The following SYNPR variants were observed in gnomAD, a reference collection of about 807,000 sequenced individuals.
The protein encoded by SYNPR is synaptoporin.
Under a neutral mutation model 32.9 loss-of-function variants are expected in SYNPR, and 23 were observed. The ratio of observed to expected loss-of-function variants is 0.70; its 90% CI spans 0.50 to 0.99. The LOEUF (loss-of-function observed/expected upper bound fraction) is 0.99. Ranked by LOEUF, SYNPR falls within the 50% of genes least tolerant of loss-of-function variation. The pLI, the probability that SYNPR is intolerant of heterozygous loss-of-function variation, is 0.00. For missense variants in SYNPR, 318 were observed against 349.3 expected (o/e 0.91, Z 0.71); for synonymous variants, 146 against 135.9 (o/e 1.07, Z -0.52).
chr3:63,577,243 A>C (rs1703001164), intron 4 of SYNPR, among the ~76,000 whole-genome samples: 1 of 152,206 alleles, frequency 6.6e-6, no homozygotes, highest in Non-Finnish European at 1.5e-5. Flanking sequence ...CAGATCTTAG[A>C]AACTGAAATC....
At chr3:63,529,125 C>A (rs17398359) in intron 3 of SYNPR, among the ~76,000 whole-genome samples, 19,170 of 152,164 alleles carry the variant, frequency 0.13, 1,326 homozygotes, top group Middle Eastern at 0.23. Flanking sequence ...TTTATACACA[C>A]ACATAGAAGG....
At chr3:63,545,406 C>T (rs971821701) in intron 3 of SYNPR, 2 of 152,042 alleles carry the variant, frequency 1.3e-5, no homozygotes, top group African/African-American at 4.8e-5. Context: ...TTCAAAATGT[C>T]CACTAGCGTG....
chr3:63,500,567 T>A (rs375678116), intron 3 of SYNPR, among the ~76,000 whole-genome samples: 1 of 152,188 alleles, frequency 6.6e-6, no homozygotes, highest in Non-Finnish European at 1.5e-5. Context: ...TTATTATGGA[T>A]GTAGATGTGG....
the SYNPR span, among the ~76,000 whole-genome samples, chr3:63,221,741 T>A: frequency 2.0e-5 from 3 of 152,148 alleles, no homozygotes; most frequent in Non-Finnish European, 4.4e-5. Context: ...AACACCAGGT[T>A]TGAATCCTGG....
At chr3:63,281,815 T>A (rs1575585026) in intron 2 of SYNPR, among the ~76,000 whole-genome samples, 1 of 152,188 alleles carries the variant, frequency 6.6e-6, no homozygotes, top group Non-Finnish European at 1.5e-5. Flanking sequence ...GAACTGGAAA[T>A]AACTAGTAAG....
At chr3:63,469,476 T>C (rs560584298) in intron 2 of SYNPR, among the ~76,000 whole-genome samples, 1 of 152,244 alleles carries the variant, frequency 6.6e-6, no homozygotes, top group South Asian at 2.1e-4. Context: ...GAAGTCCATA[T>C]CACAAATTTA....
At chr3:63,544,925 T>C (rs781516706) in intron 3 of SYNPR, among the ~76,000 whole-genome samples, 1 of 151,808 alleles carries the variant, frequency 6.6e-6, no homozygotes, top group Non-Finnish European at 1.5e-5. Flanking sequence ...ATTTCTTCCA[T>C]TTTGCAGATG....
chr3:63,490,841 C>A (rs1575672240), intron 3 of SYNPR, among the ~76,000 whole-genome samples: 1 of 152,124 alleles, frequency 6.6e-6, no homozygotes, highest in Non-Finnish European at 1.5e-5. Context: ...CAGCTCACTG[C>A]AACCTCTGCC....
chr3:63,500,615 T>A (rs949907772), intron 3 of SYNPR, among the ~76,000 whole-genome samples: 16 of 152,154 alleles, frequency 1.1e-4, no homozygotes, highest in Admixed American at 4.6e-4. Flanking sequence ...AAAATGAGTG[T>A]CCCTTGGGAA....
At chr3:63,564,816 C>T (rs527381793) in intron 4 of SYNPR, among the ~76,000 whole-genome samples, 7 of 152,238 alleles carry the variant, frequency 4.6e-5, no homozygotes, top group African/African-American at 1.7e-4. Flanking sequence ...CCACATTTCT[C>T]GAATTAGCTA....
At chr3:63,440,786 G>A (rs938735923) in intron 2 of SYNPR, among the ~76,000 whole-genome samples, 7 of 152,052 alleles carry the variant, frequency 4.6e-5, no homozygotes, top group East Asian at 3.9e-4. Flanking sequence ...AGAGCAAACC[G>A]CTAGCAAACC....
chr3:63,447,353 G>A (rs1239275023), intron 2 of SYNPR, among the ~76,000 whole-genome samples: 1 of 152,144 alleles, frequency 6.6e-6, no homozygotes, highest in Non-Finnish European at 1.5e-5. Context: ...ACTCCATCTT[G>A]CCTATGTTTC....
chr3:63,452,889 G>T (rs147450764), intron 2 of SYNPR, among the ~76,000 whole-genome samples: 4 of 152,112 alleles, frequency 2.6e-5, no homozygotes, highest in African/African-American at 9.7e-5. Context: ...ATCTTTTTAT[G>T]TGTATCTCAA....
chr3:63,316,275 TTCTC>T (rs1276081467), intron 2 of SYNPR, among the ~76,000 whole-genome samples: 2 of 151,992 alleles, frequency 1.3e-5, no homozygotes, highest in Non-Finnish European at 2.9e-5. Flanking sequence ...GGTTCCTTCT[TTCTC>T]TATCTTGTGG....
chr3:63,312,932 A>G (rs12489378), intron 2 of SYNPR, among the ~76,000 whole-genome samples: 113,712 of 151,848 alleles, frequency 0.75, 43,691 homozygotes, highest in Non-Finnish European at 0.83. Flanking sequence ...CTCCCTTTAC[A>G]ACTGCTTCTG....
At chr3:63,390,542 G>C (rs186443923) in intron 2 of SYNPR, among the ~76,000 whole-genome samples, 129 of 152,314 alleles carry the variant, frequency 8.5e-4, no homozygotes, top group African/African-American at 2.9e-3. Context: ...ATAGTACCAT[G>C]TGAGACGAAA....
Position 63,241,621 on chromosome 3 carries a change from C to T in SYNPR, n.67-10878C>T, listed in dbSNP as rs1221113918. Among the ~76,000 whole-genome samples the T allele has an allele frequency of 2.6e-5, 4 of 151,892 alleles. No individual in the cohort carries two copies. In the South Asian group the frequency reaches 8.3e-4, roughly 31 times the overall value. On this transcript the variant is annotated intron_variant and non_coding_transcript_variant, in intron 1 of 4. Transcript: ENST00000478456. Reference sequence around the variant, plus strand: ...CCTTCCTTTCCTATATCTTGATATACATTAAAGTTGTTACGCCTGGAACTG... The same window carrying T: ...CCTTCCTTTCCTATATCTTGATATATATTAAAGTTGTTACGCCTGGAACTG...
intron 3 of SYNPR, among the ~76,000 whole-genome samples, chr3:63,537,824 G>T (rs1464787600): frequency 6.6e-6 from 1 of 151,984 alleles, no homozygotes; most frequent in Non-Finnish European, 1.5e-5. Context: ...AGCGACCCAG[G>T]GTAAGCTGAG....
rs568808571 is a variant in SYNPR, at chr3:63,436,452, G to C, written c.85-44380G>C. The stretch of plus-strand genomic sequence containing the variant: ...GTGGTGTTTGGTTTTTTGTCCTTGC[G>C]ATAGTTTGCTAAGAATGATGGTTTT... On this transcript the variant is annotated intron_variant, in intron 2 of 5. Transcript: ENST00000478300. 5.3e-5 allele frequency among the ~76,000 whole-genome samples: 8 copies of C among 150,724 alleles called. No individual in the cohort carries two copies. In the East Asian group the frequency reaches 1.4e-3, roughly 26 times the overall value.
Sources: gnomAD v4.1 joint callset for allele counts (sites outside exome capture counted in the v4.1 genomes callset) on GRCh38, gnomAD v4.1.1 for gene constraint, MANE v1.5 for transcripts, NCBI Gene and HGNC (gene_info 2026-07-23, HGNC 2026-07-21) for gene names.